Variants in DCAF4 observed in about 807,000 individuals in gnomAD.
DCAF4 encodes the protein DDB1 and CUL4 associated factor 4, also known as DDB1- and CUL4-associated factor 4.
DCAF4 carries 37 observed loss-of-function variants against 60.9 expected under a neutral mutation model. That is an observed-to-expected ratio of 0.61 (90% CI 0.47 to 0.80). The LOEUF is 0.80. DCAF4 is among the 30% of genes least tolerant of loss of function. DCAF4 has a pLI of 0.00. For synonymous variants in DCAF4, 243 were observed against 254.8 expected (o/e 0.95, Z 0.44); for missense variants, 577 against 650.0 (o/e 0.89, Z 1.22).
downstream of DCAF4, chr14:72,961,928 G>A (rs150335149): frequency 1.4e-5 from 16 of 1,145,032 alleles, no homozygotes; most frequent in African/African-American, 6.6e-5. Flanking sequence ...TTTGGCTACC[G>A]CGGGAACACC....
intron 9 of DCAF4, 129 bp downstream of exon 9, chr14:72,952,006 T>C: frequency 1.1e-6 from 1 of 940,996 alleles, no homozygotes; most frequent in Admixed American, 2.2e-5. Context: ...TGTCCCAGGG[T>C]TAGTACCAGA....
At position 72,951,715 on chromosome 14, in the gene DCAF4, G is replaced by A. The variant is rs74062613; in HGVS notation, c.729-83G>A. 1,771 of 1,350,256 alleles carry A rather than the reference G, an allele frequency of 1.3e-3. 27 individuals are homozygous for A. In the African/African-American group the frequency reaches 0.022, roughly 17 times the overall value. The allele number at this position is 1,350,256 out of a possible 1,614,324, so 83.6% of individuals were successfully genotyped here. ...GTTACTCTGGCCTAGGTTGTGTGCC[G>A]TATGACTTTCTGAAGGGTAAATGTC... On this transcript the variant is annotated intron_variant, in intron 8 of 13. Coordinates refer to ENST00000358377, the MANE Select transcript of DCAF4 (RefSeq NM_015604.4).
chr14:72,953,709 TAAAAAAAAAAAAAA>T (rs778771457), intron 9 of DCAF4, among the ~76,000 whole-genome samples: 18 of 10,058 alleles, frequency 1.8e-3, no homozygotes, highest in African/African-American at 6.6e-3. Flanking sequence ...GACCCTGTCT[TAAAAAAAAAAAAAA>T]AAAAAAAAAA....
At chr14:72,934,112 A>C in intron 1 of DCAF4, among the ~76,000 whole-genome samples, 1 of 145,014 alleles carries the variant, frequency 6.9e-6, no homozygotes, top group African/African-American at 2.5e-5. Context: ...GCCATACCAA[A>C]CAGCCTGCAG....
intron 8 of DCAF4, among the ~76,000 whole-genome samples, chr14:72,951,244 G>T (rs1182895467): frequency 2.6e-5 from 4 of 152,056 alleles, no homozygotes; most frequent in Non-Finnish European, 4.4e-5. Context: ...GCTTCCCAAA[G>T]TGCTGGGATT....
At chr14:72,940,705 C>T (rs537254828) in intron 4 of DCAF4, among the ~76,000 whole-genome samples, 1 of 151,678 alleles carries the variant, frequency 6.6e-6, no homozygotes, top group African/African-American at 2.4e-5. Flanking sequence ...ATTCTCCTGC[C>T]TCAGCCTCCT....
intron 1 of DCAF4, among the ~76,000 whole-genome samples, chr14:72,928,186 A>ATTTTTTTTTT (rs1887902685): frequency 4.6e-5 from 1 of 21,682 alleles, no homozygotes; most frequent in African/African-American, 2.0e-4. Context: ...GAATCCCCCC[A>ATTTTTTTTTT]CTTTTTTTTT....
intron 9 of DCAF4, among the ~76,000 whole-genome samples, chr14:72,953,782 TTGTGTGTGTGTGTGTGTGTGTGTG>T (rs149574612): frequency 4.9e-5 from 2 of 41,122 alleles, no homozygotes; most frequent in South Asian, 2.6e-3. Context: ...ATTTATTTAT[TTGTGTGTGTGTGTGTGTGTGTGTG>T]TGTGTGTGTG....
intron 6 of DCAF4, 121 bp from the exon 7 acceptor site, chr14:72,945,763 G>A: frequency 7.5e-7 from 1 of 1,328,004 alleles, no homozygotes; most frequent in Non-Finnish European, 1.0e-6. Context: ...CTCATGGAGA[G>A]GAACTCTCAC....
downstream of DCAF4, among the ~76,000 whole-genome samples, chr14:72,960,381 C>G (rs1006527982): frequency 2.0e-5 from 3 of 152,030 alleles, no homozygotes; most frequent in African/African-American, 7.2e-5. Flanking sequence ...AACTCCTGAC[C>G]TCAGGTGATC....
intron 6 of DCAF4, among the ~76,000 whole-genome samples, chr14:72,944,141 C>G (rs987481073): frequency 1.3e-5 from 2 of 152,132 alleles, no homozygotes; most frequent in African/African-American, 4.8e-5. Context: ...GTTCACAAGC[C>G]TGGACATCTC....
At chr14:72,958,549 A>G in intron 13 of DCAF4, 63 bp from the exon 14 acceptor site, 1 of 1,592,216 alleles carries the variant, frequency 6.3e-7, no homozygotes, top group Non-Finnish European at 8.6e-7. Flanking sequence ...CCATGTCCAC[A>G]TGTAGGTAAG....
At chr14:72,932,998 C>T (rs12885192) in intron 1 of DCAF4, among the ~76,000 whole-genome samples, 46,408 of 152,060 alleles carry the variant, frequency 0.31, 7,564 homozygotes, top group South Asian at 0.43. Context: ...CTCGGCTTCC[C>T]GAGCAGCTGG....
chr14:72,931,100 A>G (rs1030469371), intron 1 of DCAF4, among the ~76,000 whole-genome samples: 12 of 152,204 alleles, frequency 7.9e-5, no homozygotes, highest in African/African-American at 2.4e-4. Context: ...GGTCCCTTGC[A>G]TAATATGAAT....
Position 72,939,915 on chromosome 14 carries a change from G to T in DCAF4, c.193+13G>T, listed in dbSNP as rs192151995. On this transcript the variant is annotated intron_variant, in intron 3 of 13. Transcript: ENST00000358377. ...TCCTCTGTGCCAGGTAAGGCCACTT[G>T]CGGGGTGGGAATCCTGGCCCTTGCA... 1 of 1,591,146 alleles carries T rather than the reference G, an allele frequency of 6.3e-7. No homozygotes were observed. The highest frequency in any genetic ancestry group is 8.6e-7 in the Non-Finnish European group (1 of 1,168,874).
chr14:72,933,531 C>T (rs1888853487), intron 1 of DCAF4, among the ~76,000 whole-genome samples: 1 of 151,066 alleles, frequency 6.6e-6, no homozygotes, highest in South Asian at 2.1e-4. Context: ...TGCACTCCAG[C>T]CTGGGTGACA....
chr14:72,959,731 G>C (rs1053731350), downstream of DCAF4: 2 of 907,878 alleles, frequency 2.2e-6, no homozygotes, highest in Middle Eastern at 5.6e-4. Context: ...CCTTCCTGGA[G>C]AGCTTCCCTG....
Position 72,959,531 on chromosome 14 carries a change from C to T in DCAF4, c.*726C>T, listed in dbSNP as rs187823343. 342 of 985,500 alleles carry T rather than the reference C, an allele frequency of 3.5e-4. No homozygotes were observed. The African/African-American group carries it at 5.5e-3, about 16-fold the overall frequency. 61.0% of individuals were successfully genotyped at this position (985,500 alleles called of 1,614,324 possible). A position where few individuals can be genotyped will look rare whatever the true frequency, so the allele number is the denominator to read the frequency against. On this transcript the variant is annotated 3_prime_UTR_variant, in exon 14 of 14. Coordinates refer to ENST00000358377, the MANE Select transcript of DCAF4 (RefSeq NM_015604.4). ...GACTTGAATGTCAGATTCAAGGGCC[C>T]GGCGTCAAAGGAAATTGGTTTTGAC...
At chr14:72,934,284 G>C (rs147283075) in intron 1 of DCAF4, among the ~76,000 whole-genome samples, 1 of 152,098 alleles carries the variant, frequency 6.6e-6, no homozygotes, top group Non-Finnish European at 1.5e-5. Context: ...CTCCCAAGTA[G>C]TGGGGATTGC....
Sources: allele counts gnomAD v4.1 joint callset (sites outside exome capture counted in the v4.1 genomes callset), GRCh38; gene constraint gnomAD v4.1.1; transcripts MANE v1.5; gene names NCBI Gene and HGNC (gene_info 2026-07-23, HGNC 2026-07-21).